The following NCOA7 variants were observed in gnomAD, a reference collection of about 807,000 sequenced individuals.
NCOA7 encodes nuclear receptor coactivator 7.
A neutral mutation model predicts 104.3 loss-of-function variants in NCOA7; 45 were observed. The ratio of observed to expected loss-of-function variants is 0.43; its 90% CI spans 0.34 to 0.55. NCOA7 has a LOEUF of 0.55. Ranked by LOEUF, NCOA7 falls within the 20% of genes least tolerant of loss-of-function variation. NCOA7 has a pLI of 0.02. For synonymous variants in NCOA7, 398 were observed against 402.3 expected (o/e 0.99, Z 0.13); for missense variants, 1,041 against 1,119.7 (o/e 0.93, Z 1.00).
chr6:125,816,544 T>C (rs1486062655), intron 2 of NCOA7, among the ~76,000 whole-genome samples: 1 of 152,220 alleles, frequency 6.6e-6, no homozygotes, highest in East Asian at 1.9e-4. Context: ...TAAAATATTT[T>C]CTGCTATTAT....
intron 10 of NCOA7, among the ~76,000 whole-genome samples, chr6:125,901,169 C>T (rs1166664480): frequency 6.6e-6 from 1 of 152,174 alleles, no homozygotes; most frequent in Admixed American, 6.5e-5. Context: ...TTTACATGTC[C>T]TCTTTCAGTA....
chr6:125,832,603 A>G (rs1449865948), intron 2 of NCOA7, among the ~76,000 whole-genome samples: 1 of 152,232 alleles, frequency 6.6e-6, no homozygotes, highest in African/African-American at 2.4e-5. Context: ...ATTGGTTTTA[A>G]CTAGTCCCAT....
chr6:125,795,212 C>A (rs998975443), intron 1 of NCOA7, among the ~76,000 whole-genome samples: 2 of 152,118 alleles, frequency 1.3e-5, no homozygotes, highest in African/African-American at 4.8e-5. Context: ...AGTCTGGTAG[C>A]CTTTGGCATA....
At chr6:125,821,220 T>C (rs1778146121) in intron 2 of NCOA7, among the ~76,000 whole-genome samples, 1 of 152,146 alleles carries the variant, frequency 6.6e-6, no homozygotes, top group African/African-American at 2.4e-5. Flanking sequence ...AAAAAGGCTT[T>C]TGTAAAAAGT....
intron 10 of NCOA7, among the ~76,000 whole-genome samples, chr6:125,906,371 G>A (rs1323622869): frequency 6.6e-6 from 1 of 152,136 alleles, no homozygotes; most frequent in African/African-American, 2.4e-5. Context: ...TATGTACTGT[G>A]TAGAGTAGGA....
intron 3 of NCOA7, among the ~76,000 whole-genome samples, chr6:125,871,043 G>A (rs927751642): frequency 2.0e-5 from 3 of 152,174 alleles, no homozygotes; most frequent in Non-Finnish European, 4.4e-5. Flanking sequence ...TTTCAGAGGT[G>A]GGCAAGTATG....
At chr6:125,845,155 A>G (rs1440939833) in intron 2 of NCOA7, among the ~76,000 whole-genome samples, 3 of 152,202 alleles carry the variant, frequency 2.0e-5, no homozygotes, top group Non-Finnish European at 4.4e-5. Flanking sequence ...ACGACCAGGA[A>G]AAAACAGCCT....
Position 125,922,728 on chromosome 6 carries a change from T to A in NCOA7, c.2417T>A (p.Leu806Gln). The change falls in exon 13 of 16, where the codon CTG (leucine) becomes CAG (glutamine). Residue 806 changes from leucine (L) to glutamine (Q), a missense_variant. Leu to Gln is a moderately radical substitution (Grantham distance 113). Coordinates refer to ENST00000392477, the MANE Select transcript of NCOA7 (RefSeq NM_181782.5). ...PARVQGYPWR[L>Q]AYSTLEHGTS... ...AGGGTGCAAGGGTATCCATGGAGACTGGCCTATAGCACGTTAGAGCACGGG... is the reference window on the plus strand; with the variant it reads ...AGGGTGCAAGGGTATCCATGGAGACAGGCCTATAGCACGTTAGAGCACGGG... The A allele has an allele frequency of 6.2e-7, 1 of 1,614,030 alleles. No individual in the cohort carries two copies. The highest frequency in any genetic ancestry group is 8.5e-7 in the Non-Finnish European group (1 of 1,180,016).
intron 10 of NCOA7, among the ~76,000 whole-genome samples, chr6:125,899,604 A>G (rs1455432097): frequency 6.6e-6 from 1 of 152,250 alleles, no homozygotes; most frequent in African/African-American, 2.4e-5. Flanking sequence ...ACATCCCTGA[A>G]AGAATTGTCT....
At chr6:125,912,157 TGATA>T (rs1339443456) in intron 10 of NCOA7, among the ~76,000 whole-genome samples, 1 of 152,102 alleles carries the variant, frequency 6.6e-6, no homozygotes, top group Non-Finnish European at 1.5e-5. Context: ...CTGTGGCTCA[TGATA>T]GATCTTCAGA....
At chr6:125,841,691 T>A (rs940826132) in intron 2 of NCOA7, among the ~76,000 whole-genome samples, 52 of 152,096 alleles carry the variant, frequency 3.4e-4, no homozygotes, top group African/African-American at 1.2e-3. Flanking sequence ...CTGCACTAAC[T>A]TTAGAAGGAA....
intron 8 of NCOA7, among the ~76,000 whole-genome samples, 190 bp downstream of exon 8, chr6:125,885,533 A>G (rs1784185955): frequency 6.6e-6 from 1 of 152,194 alleles, no homozygotes; most frequent in Non-Finnish European, 1.5e-5. Context: ...GGAAAAGTTG[A>G]ACATATAAAG....
intron 10 of NCOA7, chr6:125,899,950 G>A (rs775778768): frequency 4.1e-5 from 22 of 530,290 alleles, no homozygotes; most frequent in African/African-American, 3.9e-4. Flanking sequence ...AAGTAGCTTT[G>A]GAGAATAGCT....
chr6:125,877,700 A>G (rs1057457652), intron 4 of NCOA7, among the ~76,000 whole-genome samples: 12 of 152,232 alleles, frequency 7.9e-5, no homozygotes, highest in African/African-American at 2.7e-4. Context: ...ATGATAGTGA[A>G]CAATTATTGG....
chr6:125,837,263 T>TCATA (rs1779693180), intron 2 of NCOA7, among the ~76,000 whole-genome samples: 1 of 152,170 alleles, frequency 6.6e-6, no homozygotes, highest in Non-Finnish European at 1.5e-5. Flanking sequence ...ATTCATTCAT[T>TCATA]CATACATGCT....
intron 2 of NCOA7, among the ~76,000 whole-genome samples, chr6:125,842,752 C>T (rs1780286090): frequency 6.6e-6 from 1 of 152,172 alleles, no homozygotes; most frequent in South Asian, 2.1e-4. Context: ...AATACTCCCA[C>T]TTCCAAGAGG....
intron 1 of NCOA7, among the ~76,000 whole-genome samples, chr6:125,805,090 T>TC (rs1776317228): frequency 7.8e-6 from 1 of 128,562 alleles, no homozygotes; most frequent in Non-Finnish European, 1.6e-5. Context: ...TCTTGTTCTT[T>TC]TTTTTTTTTT....
chr6:125,844,137 G>A (rs1011318225), intron 2 of NCOA7, among the ~76,000 whole-genome samples: 4 of 152,198 alleles, frequency 2.6e-5, no homozygotes, highest in African/African-American at 9.6e-5. Context: ...AATTGTTGTG[G>A]TTTCCCCTGA....
In NCOA7 at chr6:125,911,912, C is replaced by T. The variant is rs142686125; in HGVS notation, c.2097-3421C>T. Among the ~76,000 whole-genome samples, 1,133 of 152,214 alleles carry T rather than the reference C, an allele frequency of 7.4e-3. 16 individuals carry two copies. The highest frequency in any genetic ancestry group is 0.025 in the African/African-American group (1,040 of 41,474). On this transcript the variant is annotated intron_variant, in intron 10 of 15. Transcript: ENST00000392477. ...AAACACAAGCATACCCTCTCCCCCACGTTAGTAAATCTACTGAAACAGAAG... is the reference window on the plus strand; with the variant it reads ...AAACACAAGCATACCCTCTCCCCCATGTTAGTAAATCTACTGAAACAGAAG...
Sources: gnomAD v4.1 joint callset for allele counts (sites outside exome capture counted in the v4.1 genomes callset) on GRCh38, gnomAD v4.1.1 for gene constraint, MANE v1.5 for transcripts, NCBI Gene and HGNC (gene_info 2026-07-23, HGNC 2026-07-21) for gene names.